The following NF2 variants were observed in gnomAD, a reference collection of about 807,000 sequenced individuals.
NF2 encodes NF2, moesin-ezrin-radixin like (MERLIN) tumor suppressor.
In NF2, 8 loss-of-function variants were observed where a neutral mutation model predicts 83.7. The ratio of observed to expected loss-of-function variants is 0.10; its 90% confidence interval spans 0.06 to 0.17. NF2 has a LOEUF of 0.17. Ranked by LOEUF, NF2 falls within the 10% of genes least tolerant of loss-of-function variation. NF2 has a pLI of 1.00. For missense variants in NF2, 533 were observed against 744.4 expected (o/e 0.72, Z 3.31); for synonymous variants, 266 against 269.6 (o/e 0.99, Z 0.13).
At chr22:29,630,928 C>T (rs533529588) in intron 1 of NF2, among the ~76,000 whole-genome samples, 2 of 152,074 alleles carry the variant, frequency 1.3e-5, no homozygotes, top group Non-Finnish European at 1.5e-5. Flanking sequence ...GAAAGCGTTA[C>T]GTGCCATCAG....
chr22:29,683,917 T>C (rs2067211940), intron 15 of NF2: 1 of 1,036,838 alleles, frequency 9.6e-7, no homozygotes, highest in African/African-American at 1.7e-5. Flanking sequence ...CTGCCTCTAC[T>C]TCTCACCTAA....
chr22:29,680,170 G>GGT (rs1397620100), intron 14 of NF2, among the ~76,000 whole-genome samples: 1 of 151,644 alleles, frequency 6.6e-6, no homozygotes, highest in East Asian at 2.0e-4. Flanking sequence ...GGAGTGCAGT[G>GGT]GTGCGATCTC....
chr22:29,628,586 T>C (rs916988205), intron 1 of NF2, among the ~76,000 whole-genome samples: 2 of 151,440 alleles, frequency 1.3e-5, no homozygotes, highest in African/African-American at 4.9e-5. Flanking sequence ...GAGATTACAG[T>C]TGGGATTTTT....
chr22:29,620,717 TC>T (rs779360736), intron 1 of NF2, among the ~76,000 whole-genome samples: 10 of 151,348 alleles, frequency 6.6e-5, no homozygotes. Context: ...AGGGAGAGAC[TC>T]CGACTCCAAA....
chr22:29,603,658 C>G lies in NF2; in HGVS notation c.-341C>G, dbSNP rs571842282. Reference sequence around the variant, plus strand: ...GTGACCCTAGTCGGCCGCTGAGAGGCGCGCGGAGTCTGGGCCGCTGCCGTC... The same window carrying G: ...GTGACCCTAGTCGGCCGCTGAGAGGGGCGCGGAGTCTGGGCCGCTGCCGTC... On this transcript the variant is annotated 5_prime_UTR_variant, in exon 1 of 16. Coordinates refer to ENST00000338641, the MANE Select transcript of NF2 (RefSeq NM_000268.4). 3 of 408,946 alleles carry G rather than the reference C, an allele frequency of 7.3e-6. No individual in the cohort carries two copies. The highest frequency in any genetic ancestry group is 1.3e-5 in the Non-Finnish European group (3 of 232,382). 25.3% of individuals were successfully genotyped at this position (408,946 alleles called of 1,614,324 possible). A position where few individuals can be genotyped will look rare whatever the true frequency, so the allele number is the denominator to read the frequency against.
At position 29,668,461 on chromosome 22, in the gene NF2, G is replaced by T; in HGVS notation, c.999+15G>T. 1 of 1,585,484 alleles carries T rather than the reference G, an allele frequency of 6.3e-7. No homozygotes were observed. The highest frequency in any genetic ancestry group is 8.7e-7 in the Non-Finnish European group (1 of 1,154,644). Reference sequence around the variant, plus strand: ...CTAGAAAGCAGGTGAGCACAACCTTGTTTTAACTGATGATGTCACTGTGTG... The same window carrying T: ...CTAGAAAGCAGGTGAGCACAACCTTTTTTTAACTGATGATGTCACTGTGTG... On this transcript the variant is annotated intron_variant, in intron 10 of 15. Coordinates refer to ENST00000338641, the MANE Select transcript of NF2 (RefSeq NM_000268.4).
At chr22:29,680,243 C>T (rs1206662139) in intron 14 of NF2, among the ~76,000 whole-genome samples, 1 of 152,072 alleles carries the variant, frequency 6.6e-6, no homozygotes, top group African/African-American at 2.4e-5. Flanking sequence ...TCCTGAGTAG[C>T]TGGGATTACA....
At chr22:29,609,341 G>A (rs929530927) in intron 1 of NF2, 6 of 639,168 alleles carry the variant, frequency 9.4e-6, no homozygotes, top group East Asian at 3.5e-5. Flanking sequence ...TATAGAGGTC[G>A]CTGGTGGAAT....
intron 5 of NF2, 34 bp from the exon 6 acceptor site, chr22:29,655,560 T>C: frequency 1.3e-6 from 2 of 1,483,310 alleles, no homozygotes; most frequent in Non-Finnish European, 1.9e-6. Context: ...TTACTTCATG[T>C]GTAGGTTTTT....
Position 29,681,434 on chromosome 22 carries a change from G to A in NF2, c.1575-5G>A, listed in dbSNP as rs199622889. 4.3e-5 allele frequency: 69 copies of A among 1,613,750 alleles called. No homozygotes were observed. The highest frequency in any genetic ancestry group is 2.6e-5 in the Non-Finnish European group (31 of 1,179,848). ...CCCTGATGCATGATACCCTCTTGCC[G>A]GCAGAGTGGAATACATGGAAAAGAG... On this transcript the variant is annotated splice_region_variant and splice_polypyrimidine_tract_variant and intron_variant, in intron 14 of 15. Transcript: ENST00000338641.
chr22:29,673,535 G>T (rs754424185), intron 12 of NF2, 49 bp downstream of exon 12: 17 of 1,560,048 alleles, frequency 1.1e-5, no homozygotes, highest in Non-Finnish European at 1.5e-5. Flanking sequence ...GCGAAGGGCC[G>T]CAGACCAGCC....
At position 29,668,258 on chromosome 22, in the gene NF2, A is replaced by G. The variant is rs541326016; in HGVS notation, c.886-75A>G. ...GCTACCTGCAAGAGCTCAAACTGCTATGGCACTAGTGGGCCAGTAGGCAGT... is the reference window on the plus strand; with the variant it reads ...GCTACCTGCAAGAGCTCAAACTGCTGTGGCACTAGTGGGCCAGTAGGCAGT... On this transcript the variant is annotated intron_variant, in intron 9 of 15. Coordinates refer to ENST00000338641, the MANE Select transcript of NF2 (RefSeq NM_000268.4). The G allele has an allele frequency of 5.8e-6, 6 of 1,035,432 alleles. No homozygotes were observed. In the Admixed American group the frequency reaches 9.0e-5, roughly 16 times the overall value. 64.1% of individuals were successfully genotyped at this position (1,035,432 alleles called of 1,614,324 possible).
chr22:29,680,855 A>AC (rs2067111335), intron 14 of NF2, among the ~76,000 whole-genome samples: 1 of 72,798 alleles, frequency 1.4e-5, no homozygotes, highest in African/African-American at 4.0e-5. Context: ...AGATCCTATA[A>AC]AAAAAAAAAA....
intron 2 of NF2, 134 bp downstream of exon 2, chr22:29,637,010 T>A: frequency 7.4e-7 from 1 of 1,343,848 alleles, no homozygotes; most frequent in Non-Finnish European, 1.1e-6. Context: ...AATTAAGTCA[T>A]GCAGAAAGCA....
chr22:29,677,001 C>T (rs1392825599), intron 13 of NF2, among the ~76,000 whole-genome samples: 4 of 152,218 alleles, frequency 2.6e-5, no homozygotes, highest in African/African-American at 7.2e-5. Flanking sequence ...AGCCTTCTCT[C>T]AGCACCCTTG....
At chr22:29,675,405 A>T (rs2066930931) in intron 13 of NF2, among the ~76,000 whole-genome samples, 1 of 151,982 alleles carries the variant, frequency 6.6e-6, no homozygotes. Flanking sequence ...AGAGAGTCAG[A>T]CTTCCATTAA....
At chr22:29,624,919 C>CTTTCTTTCTT (rs1369324990) in intron 1 of NF2, among the ~76,000 whole-genome samples, 21 of 144,120 alleles carry the variant, frequency 1.5e-4, no homozygotes, top group African/African-American at 5.6e-4. Flanking sequence ...CTCTCTCTCT[C>CTTTCTTTCTT]TCTTTCTTTC....
At chr22:29,652,994 C>T (rs561141080) in intron 4 of NF2, among the ~76,000 whole-genome samples, 3 of 152,252 alleles carry the variant, frequency 2.0e-5, no homozygotes, top group East Asian at 3.9e-4. Context: ...AATCACAGCT[C>T]ACTGTAGCCT....
chr22:29,679,432 T>TCCCATTCACCATTATCCCAACC (rs2067063472), intron 14 of NF2, among the ~76,000 whole-genome samples: 1 of 152,252 alleles, frequency 6.6e-6, no homozygotes, highest in African/African-American at 2.4e-5. Context: ...TCCAGACATA[T>TCCCATTCACCATTATCCCAACC]ACATTTATGT....
Sources: gnomAD v4.1 joint callset for allele counts (sites outside exome capture counted in the v4.1 genomes callset) on GRCh38, gnomAD v4.1.1 for gene constraint, MANE v1.5 for transcripts, NCBI Gene and HGNC (gene_info 2026-07-23, HGNC 2026-07-21) for gene names.